The following GOLM1 variants were observed in gnomAD, a reference collection of about 807,000 sequenced individuals.
The protein encoded by GOLM1 is epididymis luminal protein 46.
A neutral mutation model predicts 50.5 loss-of-function variants in GOLM1; 31 were observed. The observed-to-expected ratio is 0.61, with a 90% CI of 0.46 to 0.83. GOLM1 has a LOEUF of 0.83. GOLM1 is among the 40% of genes least tolerant of loss of function. GOLM1 has a pLI of 0.00. For missense variants in GOLM1, 491 were observed against 501.3 expected, an observed-to-expected ratio of 0.98 and a Z score of 0.20; for synonymous variants, 178 against 192.8, an observed-to-expected ratio of 0.92 and a Z score of 0.64.
Position 86,027,346 on chromosome 9 carries a change from G to A in GOLM1, c.*471C>T. The A allele has an allele frequency of 1.0e-6, 1 of 988,202 alleles. No individual in the cohort carries two copies. The highest frequency in any genetic ancestry group is 4.7e-5 in the South Asian group (1 of 21,456). 61.2% of individuals were successfully genotyped at this position (988,202 alleles called of 1,614,324 possible). On this transcript the variant is annotated 3_prime_UTR_variant, in exon 10 of 10. Transcript: ENST00000388712. ...CAGAATCAGAAGTGACTACACAAGA[G>A]CATTAGCCAGACTTTTCAGTGAGAA...
chr9:86,088,420 G>GTGTATA (rs1157260470), intron 1 of GOLM1, among the ~76,000 whole-genome samples: 71 of 86,298 alleles, frequency 8.2e-4, no homozygotes, highest in African/African-American at 3.8e-3. Flanking sequence ...TTTGAAGGGT[G>GTGTATA]TATATATATA....
chr9:86,053,729 CCACTCCACA>C, intron 3 of GOLM1, among the ~76,000 whole-genome samples: 1 of 752 alleles, frequency 1.3e-3, no homozygotes, highest in African/African-American at 4.3e-3. Context: ...ACAGACTGCT[CCACTCCACA>C]CACACCACAC....
At chr9:86,099,002 G>A (rs1413322050) in intron 1 of GOLM1, among the ~76,000 whole-genome samples, 1 of 152,224 alleles carries the variant, frequency 6.6e-6, no homozygotes, top group Non-Finnish European at 1.5e-5. Flanking sequence ...CGCGCCTGGT[G>A]CAAATCACGC....
chr9:86,054,348 A>G (rs1833920781), intron 3 of GOLM1, among the ~76,000 whole-genome samples: 1 of 151,110 alleles, frequency 6.6e-6, no homozygotes, highest in Non-Finnish European at 1.5e-5. Flanking sequence ...GTTCACTGCA[A>G]CCTCCACCTC....
At chr9:86,052,827 A>C (rs1833804616) in intron 3 of GOLM1, among the ~76,000 whole-genome samples, 1 of 112,786 alleles carries the variant, frequency 8.9e-6, no homozygotes, top group Non-Finnish European at 2.0e-5. Flanking sequence ...CAACGGGTCC[A>C]GACCCCACTC....
At position 86,027,576 on chromosome 9, in the gene GOLM1, C is replaced by T. The variant is rs999911513; in HGVS notation, c.*241G>A. On this transcript the variant is annotated 3_prime_UTR_variant, in exon 10 of 10. Transcript: ENST00000388712. ...TCCAGTTTTGGTGTTGAACTTCTCA[C>T]GAAATACCTACTACCAAAAATTGTG... 6 of 1,287,434 alleles carry T rather than the reference C, an allele frequency of 4.7e-6. No homozygotes were observed. The highest frequency in any genetic ancestry group is 3.0e-4 in the Middle Eastern group (1 of 3,350). 79.8% of individuals were successfully genotyped at this position (1,287,434 alleles called of 1,614,324 possible). A position where few individuals can be genotyped will look rare whatever the true frequency, so the allele number is the denominator to read the frequency against.
intron 2 of GOLM1, 77 bp from the exon 3 acceptor site, chr9:86,077,668 G>T: frequency 9.9e-7 from 1 of 1,014,440 alleles, no homozygotes; most frequent in Non-Finnish European, 1.5e-6. Context: ...CCTCCACAAA[G>T]ACCACCTTGG....
chr9:86,057,105 C>G (rs911059672), intron 3 of GOLM1, among the ~76,000 whole-genome samples: 2 of 152,174 alleles, frequency 1.3e-5, no homozygotes, highest in African/African-American at 4.8e-5. Flanking sequence ...AAAACACAGA[C>G]AAGGAGGCAA....
rs569942075 is a variant in GOLM1, at chr9:86,033,236, G to A, written c.1129+46C>T. 12 of 1,038,750 alleles carry A rather than the reference G, an allele frequency of 1.2e-5. 1 individual carries two copies. The highest frequency in any genetic ancestry group is 1.0e-4 in the South Asian group (8 of 77,860). 64.3% of individuals were successfully genotyped at this position (1,038,750 alleles called of 1,614,324 possible). A position where few individuals can be genotyped will look rare whatever the true frequency, so the allele number is the denominator to read the frequency against. ...ATAATCACGGTGAAGGACCAGGAAA[G>A]AGAAATGAAAGGTGACCTCGTCACC... On this transcript the variant is annotated intron_variant, in intron 9 of 9. Coordinates refer to ENST00000388712, the MANE Select transcript of GOLM1 (RefSeq NM_016548.4).
chr9:86,078,328 G>A (rs920698722), intron 2 of GOLM1, among the ~76,000 whole-genome samples: 3 of 152,226 alleles, frequency 2.0e-5, no homozygotes, highest in African/African-American at 7.2e-5. Context: ...ATAGGAGAGG[G>A]AAATTGTGCT....
At chr9:86,040,975 C>T in intron 5 of GOLM1, 107 bp from the exon 6 acceptor site, 1 of 1,077,200 alleles carries the variant, frequency 9.3e-7, no homozygotes, top group Non-Finnish European at 1.4e-6. Context: ...CTGCTTCAGG[C>T]ACTTCATCTG....
intron 1 of GOLM1, among the ~76,000 whole-genome samples, chr9:86,088,667 G>C (rs537091528): frequency 6.7e-6 from 1 of 149,192 alleles, no homozygotes; most frequent in Non-Finnish European, 1.5e-5. Context: ...CTCTGCGTGT[G>C]AGATGGGTCT....
chr9:86,048,356 T>C (rs983729345), intron 4 of GOLM1, among the ~76,000 whole-genome samples: 8 of 152,120 alleles, frequency 5.3e-5, no homozygotes, highest in Admixed American at 5.2e-4. Flanking sequence ...GTCTTTACAA[T>C]AGCATGATTT....
intron 3 of GOLM1, among the ~76,000 whole-genome samples, chr9:86,067,472 A>G (rs1385960659): frequency 6.6e-6 from 1 of 152,260 alleles, no homozygotes; most frequent in Non-Finnish European, 1.5e-5. Context: ...ATTTCTATGC[A>G]CACGAATGTG....
chr9:86,075,098 C>A (rs930176380), intron 3 of GOLM1, among the ~76,000 whole-genome samples: 1 of 152,174 alleles, frequency 6.6e-6, no homozygotes, highest in Non-Finnish European at 1.5e-5. Flanking sequence ...CCCCTTCCAC[C>A]AGGCAAGGAC....
chr9:86,074,124 C>G (rs924846998), intron 3 of GOLM1, among the ~76,000 whole-genome samples: 18 of 151,802 alleles, frequency 1.2e-4, no homozygotes, highest in African/African-American at 4.1e-4. Context: ...CCCCCAGCCA[C>G]AGGTCCCCAC....
chr9:86,053,703 C>T (rs2118747520), intron 3 of GOLM1, among the ~76,000 whole-genome samples: 1 of 96,190 alleles, frequency 1.0e-5, no homozygotes, highest in Admixed American at 8.9e-5. Flanking sequence ...ACACACATCA[C>T]ATACCCCACC....
chr9:86,038,079 G>A (rs1367518402), intron 6 of GOLM1, among the ~76,000 whole-genome samples: 3 of 151,794 alleles, frequency 2.0e-5, no homozygotes, highest in Admixed American at 2.0e-4. Flanking sequence ...GCTTCAACCC[G>A]GGAGGCAGAG....
At chr9:86,049,068 G>A (rs1012384338) in intron 4 of GOLM1, among the ~76,000 whole-genome samples, 14 of 152,168 alleles carry the variant, frequency 9.2e-5, no homozygotes, top group Non-Finnish European at 1.6e-4. Context: ...GTAAGGAAGG[G>A]ATCCAGTTTC....
Sources: gnomAD v4.1 joint callset for allele counts (sites outside exome capture counted in the v4.1 genomes callset) on GRCh38, gnomAD v4.1.1 for gene constraint, MANE v1.5 for transcripts, NCBI Gene and HGNC (gene_info 2026-07-23, HGNC 2026-07-21) for gene names.